Variants in TIMP2 observed in about 807,000 individuals in gnomAD.
TIMP2 encodes metalloproteinase inhibitor 2.
TIMP2 carries 5 observed loss-of-function variants against 24.3 expected under a neutral mutation model. The ratio of observed to expected loss-of-function variants is 0.21; its 90% CI spans 0.11 to 0.43. The LOEUF (loss-of-function observed/expected upper bound fraction) is 0.43, where lower values mean the gene tolerates loss of function less well. Among genes scored for constraint, TIMP2 ranks in the 20% least tolerant of loss-of-function variants. The pLI, the probability that TIMP2 is intolerant of heterozygous loss-of-function variation, is 1.00. For synonymous variants in TIMP2, 130 were observed against 123.2 expected (o/e 1.06, Z -0.37); for missense variants, 221 against 297.5 (o/e 0.74, Z 1.89).
chr17:78,909,423 A>T lies in TIMP2; in HGVS notation c.130+15536T>A, dbSNP rs549002314. ...AGAGCTCTCCTGCCACAGTGTCAGC[A>T]CATGCCTTCTGAGCATAATAATCCC... On this transcript the variant is annotated intron_variant, in intron 1 of 4. Transcript: ENST00000262768. Among the ~76,000 whole-genome samples the T allele has an allele frequency of 3.2e-4, 49 of 151,472 alleles. 1 individual carries two copies. The highest frequency in any genetic ancestry group is 1.2e-3 in the African/African-American group (49 of 41,312).
intron 1 of TIMP2, among the ~76,000 whole-genome samples, chr17:78,909,566 A>G (rs1045536245): frequency 7.7e-5 from 11 of 142,614 alleles, no homozygotes; most frequent in Admixed American, 7.0e-4. Context: ...AGGCCTGGCC[A>G]TGGTGCAGCT....
intron 1 of TIMP2, among the ~76,000 whole-genome samples, chr17:78,889,160 CA>C (rs2069855357): frequency 6.6e-6 from 1 of 152,240 alleles, no homozygotes; most frequent in Non-Finnish European, 1.5e-5. Context: ...GCACAGCTGG[CA>C]AAGGCTAAAA....
intron 1 of TIMP2, chr17:78,897,541 T>C (rs2070022056): frequency 6.6e-6 from 1 of 152,112 alleles, no homozygotes; most frequent in African/African-American, 2.4e-5. Context: ...AATGGGTGAA[T>C]CCACCCACAG....
intron 1 of TIMP2, among the ~76,000 whole-genome samples, chr17:78,915,451 C>T (rs1426859163): frequency 6.6e-6 from 1 of 152,112 alleles, no homozygotes; most frequent in East Asian, 1.9e-4. Context: ...CATCCCCAAG[C>T]CAGTATCAGT....
At chr17:78,893,395 A>G (rs796581578) in intron 1 of TIMP2, among the ~76,000 whole-genome samples, 94 of 30,804 alleles carry the variant, frequency 3.1e-3, no homozygotes, top group Middle Eastern at 0.021. Flanking sequence ...AGGGGTGTGT[A>G]TGCAGGGGTG....
At chr17:78,886,243 G>A (rs1243341993) in intron 1 of TIMP2, among the ~76,000 whole-genome samples, 1 of 152,108 alleles carries the variant, frequency 6.6e-6, no homozygotes, top group Non-Finnish European at 1.5e-5. Flanking sequence ...GGTCAAGAAG[G>A]GGCGATTCCT....
rs2069511886 is a variant in TIMP2, at chr17:78,854,923, G to GGGC, written c.*743_*744insGCC. 1 of 11,098 alleles carries GGGC rather than the reference G, an allele frequency of 9.0e-5. No homozygotes were observed. Among genetic ancestry groups the GGGC allele is most frequent in the African/African-American group, 2.8e-4 (1 of 3,602 alleles). 0.7% of individuals were successfully genotyped at this position (11,098 alleles called of 1,614,324 possible). On this transcript the variant is annotated 3_prime_UTR_variant, in exon 5 of 5. Transcript: ENST00000262768. ...CTGCAAGCTGGGGAGCATGTGGGCG[G>GGGC]GGGGGGGGGGGTGGGGGGGTGGGTG...
chr17:78,924,063 G>C lies in TIMP2; in HGVS notation c.130+896C>G, dbSNP rs1352191719. ...CAGGGCTGCAGAGGCTTGAGGTGCA[G>C]GACCAGGGTGGAAACTTCGAGCCAG... On this transcript the variant is annotated intron_variant, in intron 1 of 4. Transcript: ENST00000262768. The surrounding 1 kb of genome is among the most constrained non-coding windows in gnomAD (Gnocchi z 5.3). Among the ~76,000 whole-genome samples the C allele has an allele frequency of 2.0e-5, 3 of 152,170 alleles. No individual in the cohort carries two copies. The highest frequency in any genetic ancestry group is 4.4e-5 in the Non-Finnish European group (3 of 68,034).
chr17:78,877,390 C>G (rs1424062700), intron 1 of TIMP2, among the ~76,000 whole-genome samples: 1 of 152,082 alleles, frequency 6.6e-6, no homozygotes, highest in Non-Finnish European at 1.5e-5. Flanking sequence ...ACCAGCCTAG[C>G]CAACATGGTG....
intron 3 of TIMP2, among the ~76,000 whole-genome samples, chr17:78,868,256 CT>C (rs547144704): frequency 7.4e-5 from 11 of 148,572 alleles, no homozygotes; most frequent in Admixed American, 1.3e-4. Flanking sequence ...TTTCTTTTCT[CT>C]TTTTTTTTTG....
chr17:78,923,222 A>G (rs1166855961), intron 1 of TIMP2, among the ~76,000 whole-genome samples: 2 of 152,094 alleles, frequency 1.3e-5, no homozygotes, highest in African/African-American at 4.8e-5. Flanking sequence ...TGCGCTGAGC[A>G]TGAAGGAGGC....
intron 2 of TIMP2, among the ~76,000 whole-genome samples, chr17:78,871,441 G>A (rs1484219901): frequency 1.6e-4 from 17 of 105,338 alleles, no homozygotes; most frequent in African/African-American, 5.3e-4. Context: ...GACAGAGTAA[G>A]ACTCCGTCAA....
In TIMP2 at chr17:78,924,399, C is replaced by A. The variant is rs1390914507; in HGVS notation, c.130+560G>T. Among the ~76,000 whole-genome samples the A allele has an allele frequency of 6.6e-6, 1 of 152,234 alleles. No homozygotes were observed. The highest frequency in any genetic ancestry group is 6.5e-5 in the Admixed American group (1 of 15,288). On this transcript the variant is annotated intron_variant, in intron 1 of 4. Coordinates refer to ENST00000262768, the MANE Select transcript of TIMP2 (RefSeq NM_003255.5). The surrounding 1 kb of genome is among the most constrained non-coding windows in gnomAD (Gnocchi z 5.3). ...CCAGGAGACGCCACCGGCTTTTTCACCTGCCCCTCTGGGCCTGTGGAACCT... is the reference window on the plus strand; with the variant it reads ...CCAGGAGACGCCACCGGCTTTTTCAACTGCCCCTCTGGGCCTGTGGAACCT...
At chr17:78,919,126 G>T (rs1262744038) in intron 1 of TIMP2, among the ~76,000 whole-genome samples, 1 of 152,264 alleles carries the variant, frequency 6.6e-6, no homozygotes, top group Non-Finnish European at 1.5e-5. Flanking sequence ...GCAGCACCTG[G>T]AGAGTCCTGA....
intron 2 of TIMP2, among the ~76,000 whole-genome samples, chr17:78,872,985 C>T (rs762779800): frequency 3.9e-5 from 6 of 152,084 alleles, no homozygotes; most frequent in African/African-American, 9.7e-5. Context: ...CTCGCCACCA[C>T]GCCCAGCTAA....
intron 1 of TIMP2, among the ~76,000 whole-genome samples, chr17:78,880,721 T>C (rs2069772274): frequency 6.6e-6 from 1 of 152,186 alleles, no homozygotes; most frequent in Non-Finnish European, 1.5e-5. Context: ...GAAAATTGCC[T>C]GTAAGAAATG....
chr17:78,855,490 C>A lies in TIMP2; in HGVS notation c.*177G>T. ...GGATGAGGACCTTGGACCCACGTCT[C>A]CCTCCAGACCCACAACCATGTCTAA... On this transcript the variant is annotated 3_prime_UTR_variant, in exon 5 of 5. Coordinates refer to ENST00000262768, the MANE Select transcript of TIMP2 (RefSeq NM_003255.5). The surrounding 1 kb of genome is among the most constrained non-coding windows in gnomAD (Gnocchi z 6.0). 2 of 756,956 alleles carry A rather than the reference C, an allele frequency of 2.6e-6. No individual in the cohort carries two copies. Among genetic ancestry groups the A allele is most frequent in the Non-Finnish European group, 4.2e-6 (2 of 477,560 alleles). 46.9% of individuals were successfully genotyped at this position (756,956 alleles called of 1,614,324 possible). A position where few individuals can be genotyped will look rare whatever the true frequency, so the allele number is the denominator to read the frequency against.
chr17:78,855,246 G>T lies in TIMP2; in HGVS notation c.*421C>A. 1 of 205,624 alleles carries T rather than the reference G, an allele frequency of 4.9e-6. No individual in the cohort carries two copies. The allele number at this position is 205,624 out of a possible 1,614,324, so 12.7% of individuals were successfully genotyped here. ...TCCCTCTCAAGATGAAAGGGACCTG[G>T]TAGGCCTGCTACACAGTCTTGCAAC... On this transcript the variant is annotated 3_prime_UTR_variant, in exon 5 of 5. Transcript: ENST00000262768. This position sits in a 1 kb window ranked among gnomAD's most constrained non-coding sequence, Gnocchi z 6.0.
chr17:78,865,668 T>A (rs1028739578), intron 3 of TIMP2, among the ~76,000 whole-genome samples: 2 of 150,070 alleles, frequency 1.3e-5, no homozygotes, highest in African/African-American at 4.9e-5. Flanking sequence ...GTTGGGCACC[T>A]GTAATCCCAG....
Sources: gnomAD v4.1 joint callset for allele counts (sites outside exome capture counted in the v4.1 genomes callset) on GRCh38, gnomAD v4.1.1 for gene constraint, Gnocchi (gnomAD v3.1) non-coding constraint, MANE v1.5 for transcripts, NCBI Gene and HGNC (gene_info 2026-07-23, HGNC 2026-07-21) for gene names.